MECOM: variants seen among roughly 807,000 people sequenced by gnomAD.
MECOM encodes the protein MDS1 and EVI1 complex locus.
MECOM carries 13 observed loss-of-function variants against 116.3 expected under a neutral mutation model. That is an observed-to-expected ratio of 0.11 (90% CI 0.07 to 0.18). The LOEUF is 0.18. Among genes scored for constraint, MECOM ranks in the 10% least tolerant of loss-of-function variants. The probability of loss-of-function intolerance (pLI) is 1.00; values close to 1 mark genes in which losing one functional copy is unlikely to be tolerated. For missense variants in MECOM, 1,299 were observed against 1,509.0 expected (o/e 0.86, Z 2.31); for synonymous variants, 528 against 535.2 (o/e 0.99, Z 0.19).
chr3:169,552,168 A>AAG (rs1560423347), intron 1 of MECOM, among the ~76,000 whole-genome samples: 1 of 141,150 alleles, frequency 7.1e-6, no homozygotes, highest in Non-Finnish European at 1.5e-5. Context: ...TACTTTAAAA[A>AAG]GGTATTTTAT....
intron 1 of MECOM, among the ~76,000 whole-genome samples, chr3:169,395,550 C>T (rs896569265): frequency 2.6e-5 from 4 of 152,128 alleles, no homozygotes; most frequent in African/African-American, 9.7e-5. Flanking sequence ...GATTAACAAC[C>T]AAACACAGTC....
At chr3:169,628,928 C>G (rs1771729598) in intron 1 of MECOM, among the ~76,000 whole-genome samples, 1 of 152,026 alleles carries the variant, frequency 6.6e-6, no homozygotes, top group South Asian at 2.1e-4. Context: ...TTTGGCCACT[C>G]CACTTTAGGA....
chr3:169,398,698 C>T (rs1165526830), intron 1 of MECOM, among the ~76,000 whole-genome samples: 1 of 152,254 alleles, frequency 6.6e-6, no homozygotes, highest in Middle Eastern at 3.4e-3. Flanking sequence ...TCCTACTGTT[C>T]TGAGAGCTGT....
At chr3:169,575,122 C>T (rs764786913) in intron 1 of MECOM, among the ~76,000 whole-genome samples, 2 of 152,086 alleles carry the variant, frequency 1.3e-5, no homozygotes, top group African/African-American at 4.8e-5. Flanking sequence ...TGTTGCTACC[C>T]GTAATTTATG....
At position 169,089,053 on chromosome 3, in the gene MECOM, A is replaced by C. The variant is rs1423239810; in HGVS notation, c.3532T>G (p.Ser1178Ala). Residue 1178 changes from serine (S) to alanine (A), a missense_variant, in exon 16 of 17, where the codon TCC (serine) becomes GCC (alanine). This residue lies in a region of MECOM where 273 missense variants were observed against 289.3 expected (regional missense o/e 0.94). Coordinates refer to ENST00000651503, the MANE Select transcript of MECOM (RefSeq NM_004991.4). The stretch of plus-strand genomic sequence containing the variant: ...TGCTTAAGTTCCTCTGGCACATGGG[A>C]AGTACTAAAAGAAGACAGCTCAGCT... The part of the protein sequence containing the change: ...SEAELSSFST[S>A]HVPEELKQPL... 5.0e-6 allele frequency: 8 copies of C among 1,607,492 alleles called. No homozygotes were observed. Among genetic ancestry groups the C allele is most frequent in the Non-Finnish European group, 6.8e-6 (8 of 1,177,640 alleles).
chr3:169,147,347 C>G (rs573173860), intron 2 of MECOM: 2 of 985,508 alleles, frequency 2.0e-6, no homozygotes, highest in African/African-American at 3.5e-5. Flanking sequence ...CCTTTCGCAA[C>G]TCCAAGCTCA....
At chr3:169,383,470 C>A (rs755381564) in intron 1 of MECOM, among the ~76,000 whole-genome samples, 1 of 152,170 alleles carries the variant, frequency 6.6e-6, no homozygotes, top group Non-Finnish European at 1.5e-5. Flanking sequence ...AATAACATAG[C>A]CATTTTCTCT....
intron 2 of MECOM, among the ~76,000 whole-genome samples, chr3:169,307,576 T>C (rs1717952541): frequency 6.6e-6 from 1 of 152,140 alleles, no homozygotes; most frequent in African/African-American, 2.4e-5. Context: ...CTCAAAAGAA[T>C]AAATAAATAA....
chr3:169,255,071 C>G (rs893825208), intron 2 of MECOM, among the ~76,000 whole-genome samples: 15 of 152,086 alleles, frequency 9.9e-5, no homozygotes, highest in Admixed American at 9.8e-4. Flanking sequence ...CCCAATAATC[C>G]AATTCCTTCA....
chr3:169,634,241 A>C (rs978434654), intron 1 of MECOM, among the ~76,000 whole-genome samples: 4 of 149,062 alleles, frequency 2.7e-5, no homozygotes, highest in African/African-American at 9.9e-5. Context: ...TGTGTGCACA[A>C]ACACACACAC....
chr3:169,500,958 A>T (rs1210683878), intron 1 of MECOM, among the ~76,000 whole-genome samples: 1 of 152,002 alleles, frequency 6.6e-6, no homozygotes, highest in Non-Finnish European at 1.5e-5. Flanking sequence ...AGAAAAATCA[A>T]TTTATTCTTA....
At chr3:169,217,446 G>A (rs1431866916) in intron 2 of MECOM, among the ~76,000 whole-genome samples, 1 of 152,048 alleles carries the variant, frequency 6.6e-6, no homozygotes, top group Non-Finnish European at 1.5e-5. Context: ...CGTAAATTAT[G>A]CACAATTAAC....
chr3:169,217,899 G>A (rs1751613129), intron 2 of MECOM, among the ~76,000 whole-genome samples: 1 of 150,388 alleles, frequency 6.6e-6, no homozygotes, highest in Admixed American at 6.6e-5. Flanking sequence ...TCAGCATAGG[G>A]TAGTTTTTCT....
intron 2 of MECOM, among the ~76,000 whole-genome samples, chr3:169,205,259 A>G (rs1053867412): frequency 2.0e-5 from 3 of 152,128 alleles, no homozygotes; most frequent in African/African-American, 7.2e-5. Context: ...ACTCTTAACT[A>G]TCGAGTTTCT....
chr3:169,261,072 G>T (rs1398970330), intron 2 of MECOM, among the ~76,000 whole-genome samples: 1 of 152,078 alleles, frequency 6.6e-6, no homozygotes, highest in Non-Finnish European at 1.5e-5. Context: ...GATCGTGGTT[G>T]CATAATAAAG....
At chr3:169,094,163 A>G (rs1720760531) in intron 13 of MECOM, among the ~76,000 whole-genome samples, 1 of 152,192 alleles carries the variant, frequency 6.6e-6, no homozygotes, top group African/African-American at 2.4e-5. Context: ...CTAATCAGAC[A>G]AGATCATAAA....
chr3:169,404,963 C>G (rs1736461910), intron 1 of MECOM, among the ~76,000 whole-genome samples: 1 of 152,228 alleles, frequency 6.6e-6, no homozygotes, highest in African/African-American at 2.4e-5. Flanking sequence ...CTTTGACACA[C>G]AGATCCAGGC....
chr3:169,513,328 C>T (rs1030784212), intron 1 of MECOM, among the ~76,000 whole-genome samples: 1 of 152,228 alleles, frequency 6.6e-6, no homozygotes. Context: ...ATGTGGAGCT[C>T]TCTGATGACA....
At chr3:169,334,591 A>T (rs1723295860) in intron 2 of MECOM, among the ~76,000 whole-genome samples, 1 of 152,164 alleles carries the variant, frequency 6.6e-6, no homozygotes, top group Non-Finnish European at 1.5e-5. Flanking sequence ...TCATTGCGAG[A>T]GAGAAATAGT....
Sources: allele counts gnomAD v4.1 joint callset (sites outside exome capture counted in the v4.1 genomes callset), GRCh38; gene constraint gnomAD v4.1.1; regional missense constraint gnomAD v4.1.1; transcripts MANE v1.5; gene names NCBI Gene and HGNC (gene_info 2026-07-23, HGNC 2026-07-21).